The following MBNL2 variants were observed in gnomAD, a reference collection of about 807,000 sequenced individuals.
MBNL2 encodes the protein muscleblind like splicing regulator 2.
MBNL2 carries 17 observed loss-of-function variants against 41.9 expected under a neutral mutation model. The observed-to-expected ratio is 0.41, with a 90% CI of 0.28 to 0.61. The LOEUF (loss-of-function observed/expected upper bound fraction) is 0.61. Among genes scored for constraint, MBNL2 ranks in the 20% least tolerant of loss-of-function variants. MBNL2 has a pLI of 0.35. For missense variants in MBNL2, 336 were observed against 505.6 expected (o/e 0.66, Z 3.22); for synonymous variants, 195 against 182.9 (o/e 1.07, Z -0.53).
intron 2 of MBNL2, among the ~76,000 whole-genome samples, chr13:97,313,619 AAC>A (rs2058790267): frequency 6.6e-6 from 1 of 152,126 alleles, no homozygotes; most frequent in Non-Finnish European, 1.5e-5. Context: ...CTGCTGCCTA[AAC>A]AGCTGTTGAT....
Position 97,289,142 on chromosome 13 carries a change from G to A in MBNL2, c.174+12733G>A, listed in dbSNP as rs189492474. ...CTTATTCTTAAAAAATACATAATGC[G>A]TCTAATTTTTTACTGAATACTGATG... On this transcript the variant is annotated intron_variant, in intron 2 of 8. Transcript: ENST00000679496. Among the ~76,000 whole-genome samples, 203 of 152,154 alleles carry A rather than the reference G, an allele frequency of 1.3e-3. 2 individuals carry two copies. Among genetic ancestry groups the A allele is most frequent in the African/African-American group, 4.3e-3 (177 of 41,500 alleles).
intron 2 of MBNL2, among the ~76,000 whole-genome samples, chr13:97,291,671 G>C (rs1311901170): frequency 1.3e-5 from 2 of 151,802 alleles, no homozygotes; most frequent in East Asian, 2.0e-4. Context: ...GAGGTGGGCG[G>C]ATCACTTGAG....
At chr13:97,164,035 C>T in the MBNL2 span, among the ~76,000 whole-genome samples, 1 of 152,172 alleles carries the variant, frequency 6.6e-6, no homozygotes, top group African/African-American at 2.4e-5. Context: ...GAAACAGGGT[C>T]TCGCTCTGTC....
chr13:97,318,367 C>T (rs1214338695), intron 2 of MBNL2, among the ~76,000 whole-genome samples: 1 of 152,192 alleles, frequency 6.6e-6, no homozygotes, highest in Non-Finnish European at 1.5e-5. Context: ...TTGCTACTTG[C>T]ACACCCTAGG....
Position 97,248,578 on chromosome 13 carries a change from A to G in MBNL2, c.-605+26047A>G, listed in dbSNP as rs545325471. On this transcript the variant is annotated intron_variant, in intron 1 of 8. Coordinates refer to ENST00000679496, the MANE Select transcript of MBNL2 (RefSeq NM_001382683.1). ...GACCTGAGCCAACCATTCCCAAAAC[A>G]TGTGCTATGGGTCTCCAAAGGGACA... 2.0e-5 allele frequency among the ~76,000 whole-genome samples: 3 copies of G among 152,314 alleles called. No individual in the cohort carries two copies. The South Asian group carries it at 6.2e-4, about 32-fold the overall frequency.
chr13:97,204,273 G>A, the MBNL2 span, among the ~76,000 whole-genome samples: 7 of 152,212 alleles, frequency 4.6e-5, no homozygotes, highest in Admixed American at 1.3e-4. Context: ...CAGGTGAGGC[G>A]AGGGCTGGGA....
chr13:97,254,410 T>C (rs894398596), intron 1 of MBNL2, among the ~76,000 whole-genome samples: 3 of 152,250 alleles, frequency 2.0e-5, no homozygotes, highest in African/African-American at 7.2e-5. Flanking sequence ...TGCATTATGA[T>C]TGAAAAGTAT....
At position 97,357,652 on chromosome 13, in the gene MBNL2, C is replaced by T. The variant is rs756504685; in HGVS notation, c.1012+17C>T. The T allele has an allele frequency of 6.2e-7, 1 of 1,611,938 alleles. No individual in the cohort carries two copies. Among genetic ancestry groups the T allele is most frequent in the African/African-American group, 1.3e-5 (1 of 74,858 alleles). On this transcript the variant is annotated intron_variant, in intron 7 of 8. Transcript: ENST00000679496. Reference sequence around the variant, plus strand: ...TTCCAACAGGTATGTGCCCTTACTGCCCTACGTCCTGTGCCCTTCTGGTCA... The same window carrying T: ...TTCCAACAGGTATGTGCCCTTACTGTCCTACGTCCTGTGCCCTTCTGGTCA...
chr13:97,314,865 A>G (rs1323186253), intron 2 of MBNL2, among the ~76,000 whole-genome samples: 3 of 152,188 alleles, frequency 2.0e-5, no homozygotes, highest in Non-Finnish European at 4.4e-5. Flanking sequence ...CTGATAAACT[A>G]TTCAACTTAG....
chr13:97,335,183 G>T (rs1181559794), intron 3 of MBNL2, among the ~76,000 whole-genome samples: 1 of 152,120 alleles, frequency 6.6e-6, no homozygotes, highest in Non-Finnish European at 1.5e-5. Flanking sequence ...CTTCCTTAAA[G>T]GTCTGGAAAT....
intron 1 of MBNL2, among the ~76,000 whole-genome samples, chr13:97,260,849 C>T (rs1242333214): frequency 6.6e-6 from 1 of 152,116 alleles, no homozygotes; most frequent in East Asian, 1.9e-4. Flanking sequence ...ATATGCTAAC[C>T]TCCTTATTTT....
At chr13:97,333,844 G>C (rs1329068918) in intron 2 of MBNL2, among the ~76,000 whole-genome samples, 1 of 151,886 alleles carries the variant, frequency 6.6e-6, no homozygotes, top group Non-Finnish European at 1.5e-5. Flanking sequence ...CTTCCATACT[G>C]TGTAGGGGAA....
chr13:97,205,500 C>T, the MBNL2 span, among the ~76,000 whole-genome samples: 1 of 152,122 alleles, frequency 6.6e-6, no homozygotes, highest in South Asian at 2.1e-4. Flanking sequence ...CTTGTCTTCT[C>T]TAATGTTCCT....
chr13:97,384,218 A>G (rs943289233), intron 8 of MBNL2, among the ~76,000 whole-genome samples: 1 of 152,174 alleles, frequency 6.6e-6, no homozygotes, highest in Admixed American at 6.5e-5. Flanking sequence ...AAAATTTTAT[A>G]GTCATGAAAT....
At chr13:97,286,309 C>A (rs1178156299) in intron 2 of MBNL2, among the ~76,000 whole-genome samples, 1 of 152,176 alleles carries the variant, frequency 6.6e-6, no homozygotes, top group African/African-American at 2.4e-5. Context: ...AGATCAAACA[C>A]CTTGAAACCT....
intron 7 of MBNL2, among the ~76,000 whole-genome samples, chr13:97,358,223 A>T (rs948153419): frequency 6.6e-6 from 1 of 152,194 alleles, no homozygotes; most frequent in Non-Finnish European, 1.5e-5. Flanking sequence ...GATTCCACTA[A>T]AAGATCCATT....
chr13:97,379,600 C>T lies in MBNL2; in HGVS notation c.1049-11722C>T, dbSNP rs1036958765. Among the ~76,000 whole-genome samples the T allele has an allele frequency of 7.6e-5, 10 of 132,074 alleles. No homozygotes were observed. In the South Asian group the frequency reaches 9.6e-4, roughly 13 times the overall value. The allele number at this position is 132,074 out of a possible 152,430, so 86.6% of individuals were successfully genotyped here. On this transcript the variant is annotated intron_variant, in intron 8 of 8. Coordinates refer to ENST00000679496, the MANE Select transcript of MBNL2 (RefSeq NM_001382683.1). The stretch of plus-strand genomic sequence containing the variant: ...CCACAGAGCTAAATGAGGAAGCAAA[C>T]GGGGATCTTAATGATGATTCAGATG...
intron 2 of MBNL2, among the ~76,000 whole-genome samples, chr13:97,315,571 T>C (rs1055688569): frequency 3.9e-5 from 6 of 152,306 alleles, no homozygotes; most frequent in East Asian, 1.9e-4. Context: ...GAAAGATGCT[T>C]TCTCAAGGAA....
intron 1 of MBNL2, among the ~76,000 whole-genome samples, chr13:97,273,010 C>T (rs1189115703): frequency 6.6e-6 from 1 of 152,166 alleles, no homozygotes; most frequent in African/African-American, 2.4e-5. Flanking sequence ...GTACAGCATT[C>T]ACTGAACTGC....
Sources: allele counts gnomAD v4.1 joint callset (sites outside exome capture counted in the v4.1 genomes callset), GRCh38; gene constraint gnomAD v4.1.1; transcripts MANE v1.5; gene names NCBI Gene and HGNC (gene_info 2026-07-23, HGNC 2026-07-21).